The following ZDHHC14 variants were observed in gnomAD, a reference collection of about 807,000 sequenced individuals.
The protein encoded by ZDHHC14 is zDHHC palmitoyltransferase 14, also known as palmitoyltransferase ZDHHC14.
A neutral mutation model predicts 47.7 loss-of-function variants in ZDHHC14; 16 were observed. The observed-to-expected ratio is 0.34, with a 90% CI of 0.23 to 0.51. The LOEUF is 0.51. ZDHHC14 is among the 20% of genes least tolerant of loss of function. ZDHHC14 has a pLI of 0.97. For missense variants in ZDHHC14, 515 were observed against 662.5 expected (o/e 0.78, Z 2.44); for synonymous variants, 293 against 278.9 (o/e 1.05, Z -0.50).
At chr6:157,579,770 G>C (rs1291912674) in intron 2 of ZDHHC14, among the ~76,000 whole-genome samples, 1 of 152,186 alleles carries the variant, frequency 6.6e-6, no homozygotes, top group African/African-American at 2.4e-5. Flanking sequence ...TTGTTTATCA[G>C]ATCAAGGAGC....
At chr6:157,579,754 C>A (rs940438481) in intron 2 of ZDHHC14, among the ~76,000 whole-genome samples, 2 of 152,118 alleles carry the variant, frequency 1.3e-5, no homozygotes, top group African/African-American at 4.8e-5. Context: ...TGAAACTTTG[C>A]TGAAGTTGTT....
chr6:157,571,776 A>ATT (rs548623336), intron 2 of ZDHHC14, among the ~76,000 whole-genome samples: 2,465 of 122,404 alleles, frequency 0.02, 89 homozygotes, highest in African/African-American at 0.06. Context: ...AGGAATCTGT[A>ATT]TTTTTTTTTT....
intron 1 of ZDHHC14, among the ~76,000 whole-genome samples, chr6:157,470,814 C>T (rs1779334669): frequency 6.6e-6 from 1 of 152,146 alleles, no homozygotes. Context: ...AGAAACTGGG[C>T]AAGAGATAAG....
chr6:157,386,274 A>T (rs1472690185), intron 1 of ZDHHC14, among the ~76,000 whole-genome samples: 1 of 152,176 alleles, frequency 6.6e-6, no homozygotes, highest in East Asian at 1.9e-4. Context: ...TGGGAGGCCG[A>T]GGCAGGAGGA....
At chr6:157,537,992 A>G (rs1468755699) in intron 1 of ZDHHC14, among the ~76,000 whole-genome samples, 3 of 152,178 alleles carry the variant, frequency 2.0e-5, no homozygotes, top group African/African-American at 7.2e-5. Context: ...CAGATGCTCT[A>G]TGCTTTTTCT....
Position 157,525,137 on chromosome 6 carries a change from C to T in ZDHHC14, c.246-17448C>T, listed in dbSNP as rs1189611477. Reference sequence around the variant, plus strand: ...CTCATGAGCCTTGCCATGTGAGCCTCTCCATAGGGCTGGGATTTTGTTTTT... The same window carrying T: ...CTCATGAGCCTTGCCATGTGAGCCTTTCCATAGGGCTGGGATTTTGTTTTT... On this transcript the variant is annotated intron_variant, in intron 1 of 8. Coordinates refer to ENST00000359775, the MANE Select transcript of ZDHHC14 (RefSeq NM_024630.3). Among the ~76,000 whole-genome samples the T allele has an allele frequency of 2.0e-5, 3 of 152,140 alleles. No individual in the cohort carries two copies. The East Asian group carries it at 5.8e-4, about 29-fold the overall frequency.
intron 5 of ZDHHC14, among the ~76,000 whole-genome samples, chr6:157,634,268 G>A (rs1322663796): frequency 1.3e-5 from 2 of 152,150 alleles, no homozygotes; most frequent in African/African-American, 4.8e-5. Context: ...ACATAAGGAA[G>A]ATGTACAAAG....
chr6:157,570,298 C>T (rs1783048746), intron 2 of ZDHHC14, among the ~76,000 whole-genome samples: 1 of 152,202 alleles, frequency 6.6e-6, no homozygotes, highest in South Asian at 2.1e-4. Context: ...CACTTTTTAC[C>T]TTTGTTCTTG....
rs189413242 is a variant in ZDHHC14 at position 157,528,933 on chromosome 6, A to G, written c.246-13652A>G. Among the ~76,000 whole-genome samples the G allele has an allele frequency of 1.5e-3, 232 of 151,824 alleles. 3 individuals carry two copies. Among genetic ancestry groups the G allele is most frequent in the African/African-American group, 5.4e-3 (223 of 41,420 alleles). On this transcript the variant is annotated intron_variant, in intron 1 of 8. Transcript: ENST00000359775. ...GAGTGGGCATTAATTAATTAATTAT[A>G]AAAGCATAATTAGATGAAGACTGGG...
At chr6:157,521,189 G>A (rs954354499) in intron 1 of ZDHHC14, among the ~76,000 whole-genome samples, 11 of 152,156 alleles carry the variant, frequency 7.2e-5, no homozygotes, top group Non-Finnish European at 1.5e-5. Flanking sequence ...GGCAGAATCA[G>A]GAGTCCACAC....
At chr6:157,452,246 ATT>A (rs35501167) in intron 1 of ZDHHC14, among the ~76,000 whole-genome samples, 24,729 of 149,972 alleles carry the variant, frequency 0.16, 2,457 homozygotes, top group Admixed American at 0.29. Flanking sequence ...AGTACCTAGT[ATT>A]TTTTTTTTTT....
intron 5 of ZDHHC14, among the ~76,000 whole-genome samples, chr6:157,641,758 A>G (rs1267113759): frequency 1.3e-5 from 2 of 152,180 alleles, no homozygotes; most frequent in Non-Finnish European, 2.9e-5. Flanking sequence ...CCAAAGTTAC[A>G]TGAATGTTGC....
intron 2 of ZDHHC14, 76 bp from the exon 3 acceptor site, chr6:157,592,912 A>T: frequency 6.6e-7 from 1 of 1,514,544 alleles, no homozygotes; most frequent in East Asian, 2.4e-5. Context: ...TGGAGCTTAC[A>T]CTCCAGGCGG....
chr6:157,512,254 G>T (rs576652274), intron 1 of ZDHHC14, among the ~76,000 whole-genome samples: 1 of 152,332 alleles, frequency 6.6e-6, no homozygotes, highest in Non-Finnish European at 1.5e-5. Flanking sequence ...CCTGGCTCGG[G>T]GTCCATGGCC....
chr6:157,487,462 G>T (rs1482747438), intron 1 of ZDHHC14, among the ~76,000 whole-genome samples: 1 of 152,254 alleles, frequency 6.6e-6, no homozygotes, highest in Non-Finnish European at 1.5e-5. Flanking sequence ...ATATCAACTT[G>T]TAGTAGTTAC....
intron 8 of ZDHHC14, among the ~76,000 whole-genome samples, chr6:157,666,213 G>A (rs1034890795): frequency 2.0e-5 from 3 of 152,156 alleles, no homozygotes; most frequent in Admixed American, 6.6e-5. Context: ...CTTTGGGATC[G>A]CATGCTAAAT....
chr6:157,587,057 A>C lies in ZDHHC14; in HGVS notation c.407-5931A>C, dbSNP rs545672742. On this transcript the variant is annotated intron_variant, in intron 2 of 8. Transcript: ENST00000359775. ...TAGTTGTAGTGTTGATACGTTTGTC[A>C]TTCCTGCATTTTAAAATATTCACCT... Among the ~76,000 whole-genome samples the C allele has an allele frequency of 1.1e-4, 17 of 152,362 alleles. No individual in the cohort carries two copies. The South Asian group carries it at 3.5e-3, about 32-fold the overall frequency.
intron 1 of ZDHHC14, among the ~76,000 whole-genome samples, chr6:157,481,575 A>G (rs1474396449): frequency 6.6e-6 from 1 of 152,116 alleles, no homozygotes; most frequent in African/African-American, 2.4e-5. Context: ...TTGTTCCTGC[A>G]CCTAGAATCA....
intron 1 of ZDHHC14, among the ~76,000 whole-genome samples, chr6:157,513,566 G>A (rs1035973845): frequency 1.3e-5 from 2 of 152,094 alleles, no homozygotes; most frequent in African/African-American, 4.8e-5. Context: ...GGCTGTTTTT[G>A]CTGTTCGGTA....
Sources: allele counts gnomAD v4.1 joint callset (sites outside exome capture counted in the v4.1 genomes callset), GRCh38; gene constraint gnomAD v4.1.1; transcripts MANE v1.5; gene names NCBI Gene and HGNC (gene_info 2026-07-23, HGNC 2026-07-21).